Variants in TASOR observed in about 807,000 individuals in gnomAD.
The protein encoded by TASOR is transcription activation suppressor.
Under a neutral mutation model 178.6 loss-of-function variants are expected in TASOR, and 53 were observed. The ratio of observed to expected loss-of-function variants is 0.30; its 90% CI spans 0.24 to 0.37. The LOEUF (loss-of-function observed/expected upper bound fraction) is 0.37, where lower values mean the gene tolerates loss of function less well. Among genes scored for constraint, TASOR ranks in the 10% least tolerant of loss-of-function variants. TASOR has a pLI of 1.00. For synonymous variants in TASOR, 713 were observed against 696.2 expected, an observed-to-expected ratio of 1.02 and a Z score of -0.38; for missense variants, 1,815 against 1,971.4, an observed-to-expected ratio of 0.92 and a Z score of 1.50.
chr3:56,646,414 G>A lies in TASOR; in HGVS notation c.2215+108C>T, dbSNP rs2077239315. On this transcript the variant is annotated intron_variant, in intron 14 of 23. Coordinates refer to ENST00000683822, the MANE Select transcript of TASOR (RefSeq NM_001365635.2). Reference sequence around the variant, plus strand: ...ATACAACTTTCTTTACAAAAATAGTGGACAGGCTGAATTTGACCCTCAGGC... The same window carrying A: ...ATACAACTTTCTTTACAAAAATAGTAGACAGGCTGAATTTGACCCTCAGGC... 3.5e-6 allele frequency: 3 copies of A among 846,834 alleles called. No individual in the cohort carries two copies. In the African/African-American group the frequency reaches 5.1e-5, roughly 14 times the overall value. The allele number at this position is 846,834 out of a possible 1,614,324, so 52.5% of individuals were successfully genotyped here. A position where few individuals can be genotyped will look rare whatever the true frequency, so the allele number is the denominator to read the frequency against.
chr3:56,631,591 T>TGC (rs1553722186), intron 18 of TASOR, among the ~76,000 whole-genome samples: 1 of 69,906 alleles, frequency 1.4e-5, no homozygotes, highest in South Asian at 3.7e-4. Flanking sequence ...TTTGTTTTTT[T>TGC]TTTTTTTTTT....
intron 1 of TASOR, among the ~76,000 whole-genome samples, chr3:56,674,423 T>C (rs1688744262): frequency 1.3e-5 from 2 of 151,438 alleles, no homozygotes; most frequent in Admixed American, 1.3e-4. Context: ...GGCAGGAGGA[T>C]CCTTTGAGCC....
chr3:56,651,671 C>T lies in TASOR; in HGVS notation c.1369-2614G>A, dbSNP rs185501949. Among the ~76,000 whole-genome samples the T allele has an allele frequency of 2.9e-3, 438 of 150,780 alleles. 5 individuals are homozygous for T. Among genetic ancestry groups the T allele is most frequent in the African/African-American group, 0.01 (415 of 40,934 alleles). ...GTGATTGTGCCACGCACTATAGCAC[C>T]TCAGCCTAGGCAACAGAGAGTCCTG... On this transcript the variant is annotated intron_variant, in intron 11 of 23. Transcript: ENST00000683822.
rs745801444 is a variant in TASOR at position 56,649,034 on chromosome 3, G to A, written c.1392C>T (p.Asp464=). The A allele has an allele frequency of 2.5e-6, 4 of 1,608,910 alleles. No individual in the cohort carries two copies. The highest frequency in any genetic ancestry group is 3.4e-5 in the Admixed American group (2 of 59,078). Residue 464 remains aspartate, a synonymous_variant, in exon 12 of 24, where the codon GAC becomes GAT. Transcript: ENST00000683822. ...GGGAGAGAAGAAAAAGGTATCCTCG[G>A]TCTCCCAAAGGTTTAACAAGAACCT... is the stretch of plus-strand genomic sequence containing the variant. The part of the protein sequence containing the change: ...EKLVLVKPLG[D]RGYLFLLSPY...
Position 56,682,924 on chromosome 3 carries a change from T to C in TASOR, c.83A>G (p.Lys28Arg). Residue 28 changes from lysine (K) to arginine (R), a missense_variant, in exon 1 of 24, where the codon AAG (lysine) becomes AGG (arginine). By Grantham distance (26) the Lys-to-Arg change is conservative. Around this residue, in one of 5 missense-constraint regions of TASOR, gnomAD observed 244 missense variants for 202.7 expected, o/e 1.20. Transcript: ENST00000683822. Reference protein sequence around the residue: ...ESGGGGDDEMKQALPELESSQ... With the variant: ...ESGGGGDDEMRQALPELESSQ... ...GGACTCAAGCTCCGGAAGCGCCTGC[T>C]TCATCTCGTCGTCTCCGCCGCCGCC... The C allele has an allele frequency of 6.5e-7, 1 of 1,539,386 alleles. No individual in the cohort carries two copies. The highest frequency in any genetic ancestry group is 8.8e-7 in the Non-Finnish European group (1 of 1,137,742).
chr3:56,660,595 TAACTA>T lies in TASOR; in HGVS notation c.1368+131_1368+135del, dbSNP rs2077573949. The T allele has an allele frequency of 2.5e-5, 16 of 643,788 alleles. No individual in the cohort carries two copies. In the South Asian group the frequency reaches 3.2e-4, roughly 13 times the overall value. The allele number at this position is 643,788 out of a possible 1,614,324, so 39.9% of individuals were successfully genotyped here. On this transcript the variant is annotated intron_variant, in intron 11 of 23. Coordinates refer to ENST00000683822, the MANE Select transcript of TASOR (RefSeq NM_001365635.2). ...TACCAGAACCACAGTAAAACACTGTTAACTAAACAGCAGCAACAGACAGACACCTC... is the reference window on the plus strand; with the variant it reads ...TACCAGAACCACAGTAAAACACTGTTAACAGCAGCAACAGACAGACACCTC...
chr3:56,680,754 A>G (rs1428894283), intron 1 of TASOR, among the ~76,000 whole-genome samples: 1 of 152,156 alleles, frequency 6.6e-6, no homozygotes, highest in Non-Finnish European at 1.5e-5. Flanking sequence ...TAATTACACA[A>G]GTTAAAAATT....
intron 11 of TASOR, among the ~76,000 whole-genome samples, chr3:56,652,291 CTAAAATGG>C: frequency 6.6e-6 from 1 of 152,010 alleles, no homozygotes; most frequent in East Asian, 1.9e-4. Flanking sequence ...TTTAAAATGG[CTAAAATGG>C]CTGGGCACGG....
intron 1 of TASOR, among the ~76,000 whole-genome samples, chr3:56,675,573 CTTTAA>C (rs71621839): frequency 0.35 from 52,590 of 151,686 alleles, 9,730 homozygotes; most frequent in East Asian, 0.48. Flanking sequence ...GCACAAAATA[CTTTAA>C]TTTACTAATA....
chr3:56,634,777 A>G (rs761332331), intron 17 of TASOR, among the ~76,000 whole-genome samples: 2 of 152,196 alleles, frequency 1.3e-5, no homozygotes, highest in Non-Finnish European at 2.9e-5. Flanking sequence ...CTCAATCCAA[A>G]AGATCATACT....
chr3:56,621,454 A>G lies in TASOR; in HGVS notation c.*1583T>C, dbSNP rs866375156. Reference sequence around the variant, plus strand: ...CCTAAGCGATATGTTTTCCAAGTGAATATAATTCTAGTTTAACACAACATT... The same window carrying G: ...CCTAAGCGATATGTTTTCCAAGTGAGTATAATTCTAGTTTAACACAACATT... On this transcript the variant is annotated 3_prime_UTR_variant, in exon 24 of 24. Transcript: ENST00000683822. 1.9e-5 allele frequency: 19 copies of G among 979,600 alleles called. No individual in the cohort carries two copies. Among genetic ancestry groups the G allele is most frequent in the Non-Finnish European group, 2.7e-5 (18 of 667,804 alleles). The allele number at this position is 979,600 out of a possible 1,614,324, so 60.7% of individuals were successfully genotyped here.
rs2077240483 is a variant in TASOR at position 56,646,464 on chromosome 3, CAAGA to C, written c.2215+54_2215+57del. 9.2e-6 allele frequency: 13 copies of C among 1,407,324 alleles called. No homozygotes were observed. The Middle Eastern group carries it at 1.1e-3, about 124-fold the overall frequency. The allele number at this position is 1,407,324 out of a possible 1,614,324, so 87.2% of individuals were successfully genotyped here. ...CTTTAATTTATACGCCCCTCTGCTA[CAAGA>C]AAGAACAGAACTACTTTATTTTTGG... On this transcript the variant is annotated intron_variant, in intron 14 of 23. Transcript: ENST00000683822.
intron 13 of TASOR, among the ~76,000 whole-genome samples, chr3:56,648,445 T>G (rs1239641666): frequency 6.6e-6 from 1 of 151,822 alleles, no homozygotes; most frequent in Admixed American, 6.6e-5. Context: ...CTGGCCAACA[T>G]GGTGAAACCC....
At chr3:56,669,552 C>A in intron 5 of TASOR, 148 bp downstream of exon 5, 1 of 553,152 alleles carries the variant, frequency 1.8e-6, no homozygotes, top group Non-Finnish European at 3.2e-6. Flanking sequence ...AAAAAGATGG[C>A]AAATAAACCA....
In TASOR at chr3:56,662,287, G is replaced by A. The variant is rs2107613625; in HGVS notation, c.1160+98C>T. ...CCAACATTTATATTGAAGTTCTTAT[G>A]AACCAAAATAAAATTTAAATATGAA... On this transcript the variant is annotated intron_variant, in intron 9 of 23. Transcript: ENST00000683822. 4.3e-6 allele frequency: 3 copies of A among 700,484 alleles called. 1 individual carries two copies. The highest frequency in any genetic ancestry group is 5.6e-5 in the East Asian group (2 of 35,546). The allele number at this position is 700,484 out of a possible 1,614,324, so 43.4% of individuals were successfully genotyped here.
In TASOR at chr3:56,628,747, C is replaced by CT. The variant is rs569509106; in HGVS notation, c.3748-134dup. The CT allele has an allele frequency of 1.9e-3, 1,149 of 593,086 alleles. 7 individuals are homozygous for CT. Among genetic ancestry groups the CT allele is most frequent in the Non-Finnish European group, 2.5e-3 (883 of 358,204 alleles). 36.7% of individuals were successfully genotyped at this position (593,086 alleles called of 1,614,324 possible). On this transcript the variant is annotated intron_variant, in intron 18 of 23. Transcript: ENST00000683822. ...TATTAACAATGAATGAACTTACACT[C>CT]TAAGAGACCATCAAATCCTTTTTTT...
intron 1 of TASOR, among the ~76,000 whole-genome samples, chr3:56,676,080 G>A (rs1030674643): frequency 6.6e-6 from 1 of 152,178 alleles, no homozygotes; most frequent in Non-Finnish European, 1.5e-5. Flanking sequence ...TCAACACAAA[G>A]TGTCCTATAA....
chr3:56,623,773 G>A (rs1416044213), intron 23 of TASOR: 22 of 1,550,248 alleles, frequency 1.4e-5, no homozygotes, highest in South Asian at 4.8e-5. Flanking sequence ...AAGCTTCTGC[G>A]AAATGTGTTC....
chr3:56,646,500 T>C, intron 14 of TASOR, 22 bp downstream of exon 14: 1 of 1,558,852 alleles, frequency 6.4e-7, no homozygotes, highest in Non-Finnish European at 8.7e-7. Flanking sequence ...TTGGCTGTTA[T>C]AAGAGCAATC....
Sources: allele counts gnomAD v4.1 joint callset (sites outside exome capture counted in the v4.1 genomes callset), GRCh38; gene constraint gnomAD v4.1.1; regional missense constraint gnomAD v4.1.1; transcripts MANE v1.5; gene names NCBI Gene and HGNC (gene_info 2026-07-23, HGNC 2026-07-21).